Variants in STAMBP observed in about 807,000 individuals in gnomAD.
STAMBP encodes the protein STAM binding protein.
Under a neutral mutation model 50.7 loss-of-function variants are expected in STAMBP, and 31 were observed. The observed-to-expected ratio is 0.61, with a 90% CI of 0.46 to 0.83. The LOEUF (loss-of-function observed/expected upper bound fraction) is 0.83, where lower values mean the gene tolerates loss of function less well. STAMBP is among the 40% of genes least tolerant of loss of function. The probability of loss-of-function intolerance (pLI) is 0.00; values close to 1 mark genes in which losing one functional copy is unlikely to be tolerated. For missense variants in STAMBP, 472 were observed against 518.9 expected (o/e 0.91, Z 0.88); for synonymous variants, 211 against 192.4 (o/e 1.10, Z -0.80).
At chr2:73,869,135 T>C (rs1230928254), downstream of STAMBP, among the ~76,000 whole-genome samples, 2 of 152,136 alleles carry the variant, frequency 1.3e-5, no homozygotes, top group Non-Finnish European at 2.9e-5. Flanking sequence ...CTGAAGATAA[T>C]AAATTCTGAA....
intron 3 of STAMBP, 55 bp downstream of exon 3, chr2:73,844,943 G>T: frequency 1.3e-6 from 2 of 1,589,886 alleles, no homozygotes; most frequent in South Asian, 2.3e-5. Flanking sequence ...AGCACAGACT[G>T]ACTTCAAGAT....
At chr2:73,861,903 T>C (rs1251738909) in intron 9 of STAMBP, among the ~76,000 whole-genome samples, 2 of 152,090 alleles carry the variant, frequency 1.3e-5, no homozygotes, top group East Asian at 1.9e-4. Context: ...TTTGGGAGAC[T>C]GAGGCAGGCA....
chr2:73,833,617 G>C (rs1674226758), intron 2 of STAMBP, among the ~76,000 whole-genome samples: 1 of 152,124 alleles, frequency 6.6e-6, no homozygotes, highest in African/African-American at 2.4e-5. Context: ...AATTCAGAAA[G>C]TTCAGTAGAA....
chr2:73,869,472 T>TA (rs1258122318), downstream of STAMBP, among the ~76,000 whole-genome samples: 1 of 152,208 alleles, frequency 6.6e-6, no homozygotes, highest in Non-Finnish European at 1.5e-5. Context: ...TCCAAAAATT[T>TA]AAATGCAAGT....
At position 73,850,506 on chromosome 2, in the gene STAMBP, G is replaced by A; in HGVS notation, c.998G>A (p.Trp333Ter). 1 of 1,612,830 alleles carries A rather than the reference G, an allele frequency of 6.2e-7. No individual in the cohort carries two copies. The highest frequency in any genetic ancestry group is 1.3e-5 in the African/African-American group (1 of 75,008). Reference protein sequence around the residue: ...QDQQGLITLGWIHTHPTQTAF... With the variant: ...QDQQGLITLG ...CAGCAGGGCCTCATCACACTGGGCT[G>A]GATTCATGTAAGCAATTCTGAGCTG... is the stretch of plus-strand genomic sequence containing the variant. Residue 333 changes from tryptophan (W) to a stop codon, truncating the protein, a stop_gained, in exon 7 of 10, where the codon TGG becomes TAG. Coordinates refer to ENST00000394070, the MANE Select transcript of STAMBP (RefSeq NM_213622.4). LOFTEE classifies it high-confidence loss of function. The surrounding 1 kb of genome is among the most constrained non-coding windows in gnomAD (Gnocchi z 4.3).
At chr2:73,854,795 C>T (rs1037825060) in intron 7 of STAMBP, among the ~76,000 whole-genome samples, 1 of 152,138 alleles carries the variant, frequency 6.6e-6, no homozygotes, top group Non-Finnish European at 1.5e-5. Flanking sequence ...CAAGACCAGC[C>T]TGGGCAACAT....
intron 1 of STAMBP, 91 bp from the exon 2 acceptor site, chr2:73,830,754 C>G (rs1361683398): frequency 3.2e-6 from 3 of 937,206 alleles, no homozygotes; most frequent in Non-Finnish European, 4.8e-6. Flanking sequence ...CTTATATTTT[C>G]TTCTTAAGGT....
chr2:73,872,723 T>C (rs1347765390), intron 10 of STAMBP, among the ~76,000 whole-genome samples: 3 of 152,230 alleles, frequency 2.0e-5, no homozygotes, highest in Admixed American at 6.5e-5. Context: ...ATATTTACTG[T>C]ATGCCTACTA....
chr2:73,869,673 T>A (rs539118215), downstream of STAMBP, among the ~76,000 whole-genome samples: 3 of 152,264 alleles, frequency 2.0e-5, no homozygotes, highest in African/African-American at 7.2e-5. Context: ...CATGTATACA[T>A]ATGGAACAAA....
intron 2 of STAMBP, among the ~76,000 whole-genome samples, chr2:73,841,165 T>A (rs1262223822): frequency 6.6e-6 from 1 of 152,182 alleles, no homozygotes; most frequent in Non-Finnish European, 1.5e-5. Context: ...TTGGTACCTT[T>A]CCTCTCTCCA....
Position 73,859,316 on chromosome 2 carries a change from G to A in STAMBP, c.1068G>A (p.Gln356=). The A allele has an allele frequency of 6.2e-7, 1 of 1,614,172 alleles. No homozygotes were observed. The part of the protein sequence containing the change: ...SVDLHTHCSY[Q]MMLPESVAIV... ...ACCTACACACTCACTGCTCTTACCA[G>A]ATGATGTTGCCAGAGTCAGTAGCCA... Residue 356 remains glutamine, a synonymous_variant, in exon 8 of 10, where the codon CAG becomes CAA. Transcript: ENST00000394070.
chr2:73,843,406 G>GTGTGTATATATATATATATATATATATA (rs1458780751), intron 2 of STAMBP, among the ~76,000 whole-genome samples: 2 of 129,944 alleles, frequency 1.5e-5, no homozygotes, highest in African/African-American at 6.7e-5. Context: ...GTTTGTGTAT[G>GTGTGTATATATATATATATATATATATA]TATATATATA....
At chr2:73,849,259 A>G in intron 5 of STAMBP, 104 bp from the exon 6 acceptor site, 1 of 1,559,490 alleles carries the variant, frequency 6.4e-7, no homozygotes, top group Non-Finnish European at 8.8e-7. Context: ...AAGTTGGGGG[A>G]ATCCCAGTGG....
At chr2:73,854,648 C>T (rs968932505) in intron 7 of STAMBP, among the ~76,000 whole-genome samples, 1 of 152,068 alleles carries the variant, frequency 6.6e-6, no homozygotes, top group Non-Finnish European at 1.5e-5. Context: ...GCTAGTTCAG[C>T]TTTTTTTCCT....
intron 2 of STAMBP, among the ~76,000 whole-genome samples, chr2:73,837,087 G>A (rs1439533117): frequency 6.6e-6 from 1 of 152,154 alleles, no homozygotes; most frequent in Non-Finnish European, 1.5e-5. Context: ...CTGAAATTTA[G>A]CATTTCCTTC....
chr2:73,862,229 C>T lies in STAMBP; in HGVS notation c.1245C>T (p.Asp415=). The T allele has an allele frequency of 1.9e-6, 3 of 1,611,460 alleles. No individual in the cohort carries two copies. The highest frequency in any genetic ancestry group is 2.5e-6 in the Non-Finnish European group (3 of 1,179,120). ...FCSCSHVTVV[D]RAVTITDLR Reference sequence around the variant, plus strand: ...GCTGCAGCCACGTGACTGTTGTGGACAGAGCAGTGACCATCACAGACCTTC... The same window carrying T: ...GCTGCAGCCACGTGACTGTTGTGGATAGAGCAGTGACCATCACAGACCTTC... Residue 415 remains aspartate (D), a synonymous_variant, in exon 10 of 10, where the codon GAC becomes GAT. Coordinates refer to ENST00000394070, the MANE Select transcript of STAMBP (RefSeq NM_213622.4).
chr2:73,868,327 C>T (rs1295510625), downstream of STAMBP, among the ~76,000 whole-genome samples: 1 of 152,010 alleles, frequency 6.6e-6, no homozygotes, highest in Non-Finnish European at 1.5e-5. Context: ...TATGCATCCT[C>T]ATGTAGGACT....
intron 2 of STAMBP, among the ~76,000 whole-genome samples, chr2:73,837,731 G>A (rs2104330252): frequency 6.6e-6 from 1 of 150,830 alleles, no homozygotes; most frequent in African/African-American, 2.4e-5. Flanking sequence ...TAAAAAAATT[G>A]TTCTGAAAAG....
chr2:73,850,353 C>T lies in STAMBP; in HGVS notation c.868-23C>T. Reference sequence around the variant, plus strand: ...TTGCATGAGCACCAGGGAATTGTGACCAGCTGTTTTCTCCTTTGGCAGATG... The same window carrying T: ...TTGCATGAGCACCAGGGAATTGTGATCAGCTGTTTTCTCCTTTGGCAGATG... On this transcript the variant is annotated intron_variant, in intron 6 of 9. Transcript: ENST00000394070. The surrounding 1 kb of genome is among the most constrained non-coding windows in gnomAD (Gnocchi z 4.3). 6.3e-7 allele frequency: 1 copy of T among 1,592,624 alleles called. No homozygotes were observed. Among genetic ancestry groups the T allele is most frequent in the Non-Finnish European group, 8.6e-7 (1 of 1,169,038 alleles).
Sources: allele counts gnomAD v4.1 joint callset (sites outside exome capture counted in the v4.1 genomes callset), GRCh38; gene constraint gnomAD v4.1.1; non-coding constraint Gnocchi (gnomAD v3.1); transcripts MANE v1.5; gene names NCBI Gene and HGNC (gene_info 2026-07-23, HGNC 2026-07-21).